The following BBOX1 variants were observed in gnomAD, a reference collection of about 807,000 sequenced individuals.
BBOX1 encodes gamma-butyrobetaine hydroxylase 1.
A neutral mutation model predicts 41.6 loss-of-function variants in BBOX1; 35 were observed. The ratio of observed to expected loss-of-function variants is 0.84; its 90% CI spans 0.64 to 1.11. The LOEUF (loss-of-function observed/expected upper bound fraction) is 1.11. BBOX1 is among the 50% of genes most tolerant of loss of function. BBOX1 has a pLI of 0.00. For missense variants in BBOX1, 458 were observed against 460.6 expected (o/e 0.99, Z 0.05); for synonymous variants, 163 against 154.7 (o/e 1.05, Z -0.40).
In BBOX1 at chr11:27,075,101, C is replaced by A. The variant is rs568564927; in HGVS notation, c.334+17786C>A. ...TCCTTCTCATTTGGATAGACTATTT[C>A]TTTTAATTATTGTTGACTTCTTTTT... On this transcript the variant is annotated intron_variant, in intron 4 of 8. Transcript: ENST00000263182. 7.2e-5 allele frequency among the ~76,000 whole-genome samples: 11 copies of A among 152,284 alleles called. No individual in the cohort carries two copies. The South Asian group carries it at 2.1e-3, about 29-fold the overall frequency.
rs965920053 is a variant in BBOX1, at chr11:27,041,049, T to G, written c.-302+21T>G. The G allele has an allele frequency of 5.9e-5, 9 of 152,290 alleles. No individual in the cohort carries two copies. In the East Asian group the frequency reaches 1.7e-3, roughly 29 times the overall value. 9.4% of individuals were successfully genotyped at this position (152,290 alleles called of 1,614,324 possible). ...GACAGGTGAGAACTGCTTTTCCTTCTATCAAGAAAGATTCCAAACTGAGGC... is the reference window on the plus strand; with the variant it reads ...GACAGGTGAGAACTGCTTTTCCTTCGATCAAGAAAGATTCCAAACTGAGGC... On this transcript the variant is annotated intron_variant, in intron 1 of 8. Coordinates refer to ENST00000263182, the MANE Select transcript of BBOX1 (RefSeq NM_003986.3).
intron 2 of BBOX1, among the ~76,000 whole-genome samples, chr11:27,042,549 A>C (rs1305707314): frequency 6.6e-6 from 1 of 152,074 alleles, no homozygotes; most frequent in African/African-American, 2.4e-5. Flanking sequence ...GGGTCTCACT[A>C]TATTGTCCAG....
intron 2 of BBOX1, among the ~76,000 whole-genome samples, chr11:27,053,659 C>T (rs1350001812): frequency 6.6e-6 from 1 of 152,096 alleles, no homozygotes; most frequent in African/African-American, 2.4e-5. Flanking sequence ...AACTTGCCAG[C>T]CAACCCTTTC....
At chr11:27,126,434 C>A (rs185787197) in intron 8 of BBOX1, among the ~76,000 whole-genome samples, 12 of 152,200 alleles carry the variant, frequency 7.9e-5, no homozygotes, top group Admixed American at 6.5e-4. Flanking sequence ...ACAAAAAATA[C>A]AAGTTAGAAT....
intron 4 of BBOX1, among the ~76,000 whole-genome samples, chr11:27,067,643 T>C (rs2165769): frequency 0.22 from 17,695 of 81,310 alleles, 1,413 homozygotes; most frequent in East Asian, 0.49. Context: ...GACAGGAGAA[T>C]TGCTTGAACC....
At chr11:27,053,000 T>C (rs563791506) in intron 2 of BBOX1, among the ~76,000 whole-genome samples, 2 of 152,322 alleles carry the variant, frequency 1.3e-5, no homozygotes, top group African/African-American at 4.8e-5. Context: ...TCATTGGGCA[T>C]AATTATATCA....
intron 4 of BBOX1, among the ~76,000 whole-genome samples, chr11:27,084,045 G>A (rs1487210300): frequency 3.9e-5 from 6 of 152,088 alleles, no homozygotes; most frequent in African/African-American, 1.4e-4. Context: ...CTCTCTGCCT[G>A]AGACAGCATG....
intron 3 of BBOX1, among the ~76,000 whole-genome samples, chr11:27,056,981 G>A (rs1285791075): frequency 1.4e-5 from 2 of 145,178 alleles, no homozygotes; most frequent in Non-Finnish European, 1.5e-5. Context: ...CAGGGGAATC[G>A]CTGGAACCCG....
At chr11:27,049,588 G>A (rs1851605972) in intron 2 of BBOX1, among the ~76,000 whole-genome samples, 1 of 151,932 alleles carries the variant, frequency 6.6e-6, no homozygotes, top group Non-Finnish European at 1.5e-5. Context: ...TATTTCTGTT[G>A]AGTTGTTTGA....
intron 5 of BBOX1, among the ~76,000 whole-genome samples, chr11:27,107,726 C>T (rs180858287): frequency 1.3e-5 from 2 of 152,152 alleles, no homozygotes; most frequent in East Asian, 3.9e-4. Flanking sequence ...CACATTTGCA[C>T]CTGTTTCTCC....
rs1771494664 is a variant in BBOX1, at chr11:27,119,662, A to G, written c.653A>G (p.His218Arg). ...LHHPPGVQLL[H>R]CIKQTVTGGD... ...TTCTTTTTATAGGTTCAGCTTCTTCACTGCATAAAGCAAACAGTCACAGGG... is the reference window on the plus strand; with the variant it reads ...TTCTTTTTATAGGTTCAGCTTCTTCGCTGCATAAAGCAAACAGTCACAGGG... Residue 218 changes from histidine (H) to arginine (R), a missense_variant, in exon 7 of 9, where the codon CAC becomes CGC. Coordinates refer to ENST00000263182, the MANE Select transcript of BBOX1 (RefSeq NM_003986.3). 11 of 1,466,988 alleles carry G rather than the reference A, an allele frequency of 7.5e-6. No homozygotes were observed. Among genetic ancestry groups the G allele is most frequent in the Non-Finnish European group, 9.9e-6 (11 of 1,110,602 alleles). The allele number at this position is 1,466,988 out of a possible 1,614,324, so 90.9% of individuals were successfully genotyped here. A position where few individuals can be genotyped will look rare whatever the true frequency, so the allele number is the denominator to read the frequency against.
chr11:27,097,612 G>A (rs756911004), intron 5 of BBOX1, among the ~76,000 whole-genome samples: 42 of 151,902 alleles, frequency 2.8e-4, no homozygotes, highest in Non-Finnish European at 5.6e-4. Context: ...AAATAATCTA[G>A]GCCAATAAAA....
At chr11:27,069,500 T>C (rs1272372388) in intron 4 of BBOX1, among the ~76,000 whole-genome samples, 2 of 152,086 alleles carry the variant, frequency 1.3e-5, no homozygotes, top group Non-Finnish European at 2.9e-5. Context: ...GTAGGTATAC[T>C]ATTTTATCAT....
chr11:27,085,435 A>C lies in BBOX1; in HGVS notation c.335-7733A>C, dbSNP rs190264235. Among the ~76,000 whole-genome samples the C allele has an allele frequency of 1.3e-3, 200 of 152,246 alleles. 1 individual carries two copies. Among genetic ancestry groups the C allele is most frequent in the Non-Finnish European group, 1.9e-3 (129 of 68,002 alleles). ...ATATCTGTTATAGTGATCTGTGATCAGTGATCTTTGAGCTTACTACTGTAA... is the reference window on the plus strand; with the variant it reads ...ATATCTGTTATAGTGATCTGTGATCCGTGATCTTTGAGCTTACTACTGTAA... On this transcript the variant is annotated intron_variant, in intron 4 of 8. Coordinates refer to ENST00000263182, the MANE Select transcript of BBOX1 (RefSeq NM_003986.3).
intron 4 of BBOX1, among the ~76,000 whole-genome samples, chr11:27,089,882 A>T (rs1417412157): frequency 1.3e-5 from 2 of 152,010 alleles, no homozygotes; most frequent in African/African-American, 4.8e-5. Context: ...CTAGTTAGGC[A>T]GTCAGTATGT....
chr11:27,105,448 A>T (rs548287990), intron 5 of BBOX1, among the ~76,000 whole-genome samples: 1 of 152,216 alleles, frequency 6.6e-6, no homozygotes, highest in African/African-American at 2.4e-5. Flanking sequence ...TGACGAATGC[A>T]CAAGCTTCAG....
intron 5 of BBOX1, among the ~76,000 whole-genome samples, chr11:27,095,977 C>T (rs1291972007): frequency 6.6e-6 from 1 of 151,914 alleles, no homozygotes; most frequent in African/African-American, 2.4e-5. Context: ...CATCCCATCT[C>T]CAGAGCTTGT....
At chr11:27,050,620 T>G (rs7128441) in intron 2 of BBOX1, among the ~76,000 whole-genome samples, 20,674 of 149,956 alleles carry the variant, frequency 0.14, 1,812 homozygotes, top group South Asian at 0.33. Context: ...TTGAATTGTC[T>G]TATCGATACC....
At chr11:27,121,422 T>C (rs1319332376) in intron 7 of BBOX1, among the ~76,000 whole-genome samples, 1 of 152,138 alleles carries the variant, frequency 6.6e-6, no homozygotes, top group African/African-American at 2.4e-5. Context: ...TAAATTTAGT[T>C]ATATTTTAAA....
Sources: allele counts gnomAD v4.1 joint callset (sites outside exome capture counted in the v4.1 genomes callset), GRCh38; gene constraint gnomAD v4.1.1; transcripts MANE v1.5; gene names NCBI Gene and HGNC (gene_info 2026-07-23, HGNC 2026-07-21).